The following CPNE4 variants were observed in gnomAD, a reference collection of about 807,000 sequenced individuals.
The protein encoded by CPNE4 is copine 4.
Under a neutral mutation model 67.9 loss-of-function variants are expected in CPNE4, and 25 were observed. The ratio of observed to expected loss-of-function variants is 0.37; its 90% CI spans 0.27 to 0.51. The LOEUF is 0.51. Ranked by LOEUF, CPNE4 falls within the 20% of genes least tolerant of loss-of-function variation. The probability of loss-of-function intolerance (pLI) is 0.93; values close to 1 mark genes in which losing one functional copy is unlikely to be tolerated. For missense variants in CPNE4, 464 were observed against 690.8 expected (o/e 0.67, Z 3.68); for synonymous variants, 242 against 244.9 (o/e 0.99, Z 0.11).
chr3:131,545,311 TTTAG>T (rs552450970), intron 14 of CPNE4, among the ~76,000 whole-genome samples: 1 of 152,162 alleles, frequency 6.6e-6, no homozygotes, highest in Non-Finnish European at 1.5e-5. Context: ...AACAGTTTAG[TTTAG>T]TTATAGTTTA....
chr3:132,038,796 G>A (rs1264147970), upstream of CPNE4, among the ~76,000 whole-genome samples: 1 of 152,098 alleles, frequency 6.6e-6, no homozygotes. Flanking sequence ...TCCCTTGGTT[G>A]CAGAGGCTGT....
intron 7 of CPNE4, among the ~76,000 whole-genome samples, chr3:131,639,457 C>A (rs2079482114): frequency 6.6e-6 from 1 of 151,980 alleles, no homozygotes; most frequent in Non-Finnish European, 1.5e-5. Flanking sequence ...TAGATTAAAC[C>A]CGGATGACAT....
At chr3:131,801,400 A>AT (rs1321227009) in intron 2 of CPNE4, among the ~76,000 whole-genome samples, 4 of 101,236 alleles carry the variant, frequency 4.0e-5, no homozygotes, top group African/African-American at 1.3e-4. Context: ...ACATATATAT[A>AT]TAGGTACATA....
At chr3:131,931,783 T>A (rs1232447302) in intron 1 of CPNE4, among the ~76,000 whole-genome samples, 1 of 152,164 alleles carries the variant, frequency 6.6e-6, no homozygotes, top group East Asian at 1.9e-4. Context: ...GTCGCACAAC[T>A]GTTTGACCTT....
rs192013188 is a variant in CPNE4 at position 131,776,970 on chromosome 3, C to T, written c.181-53345G>A. On this transcript the variant is annotated intron_variant, in intron 2 of 15. Transcript: ENST00000429747. ...CGTTATATATCAGTTACTGCTACTCCTGTGCCCTAGTAGCTCAGGGAAGTT... is the reference window on the plus strand; with the variant it reads ...CGTTATATATCAGTTACTGCTACTCTTGTGCCCTAGTAGCTCAGGGAAGTT... 3.9e-5 allele frequency among the ~76,000 whole-genome samples: 6 copies of T among 152,264 alleles called. No individual in the cohort carries two copies. In the East Asian group the frequency reaches 9.7e-4, roughly 25 times the overall value.
chr3:131,855,518 G>A (rs1276817443), intron 2 of CPNE4, among the ~76,000 whole-genome samples: 1 of 151,906 alleles, frequency 6.6e-6, no homozygotes, highest in African/African-American at 2.4e-5. Context: ...TCATGAAGGT[G>A]GCTTCAGATT....
intron 3 of CPNE4, among the ~76,000 whole-genome samples, chr3:131,708,852 C>A (rs902051310): frequency 1.3e-5 from 2 of 150,934 alleles, no homozygotes; most frequent in African/African-American, 4.9e-5. Context: ...TACAGTTTTT[C>A]TTTGGGGATA....
At chr3:131,838,080 T>C (rs1408083655) in intron 2 of CPNE4, among the ~76,000 whole-genome samples, 1 of 151,948 alleles carries the variant, frequency 6.6e-6, no homozygotes, top group Admixed American at 6.6e-5. Context: ...CAACTTTCTG[T>C]CTCAATAGAT....
At chr3:131,945,644 G>A (rs1286095816) in intron 1 of CPNE4, among the ~76,000 whole-genome samples, 4 of 152,004 alleles carry the variant, frequency 2.6e-5, no homozygotes, top group Non-Finnish European at 4.4e-5. Flanking sequence ...AAACTGCATC[G>A]TAGTCTGAAA....
chr3:131,720,301 T>C (rs76741985), intron 3 of CPNE4, among the ~76,000 whole-genome samples: 1 of 150,782 alleles, frequency 6.6e-6, no homozygotes, highest in South Asian at 2.1e-4. Flanking sequence ...TTTTTTTTTT[T>C]TTTGAGACGG....
intron 1 of CPNE4, among the ~76,000 whole-genome samples, chr3:131,994,974 T>C (rs902823865): frequency 4.6e-5 from 7 of 152,200 alleles, no homozygotes; most frequent in Non-Finnish European, 1.0e-4. Flanking sequence ...GGTGCCTCTC[T>C]TCCTTGACTC....
At chr3:131,826,763 G>A (rs1368676373) in intron 2 of CPNE4, among the ~76,000 whole-genome samples, 4 of 152,150 alleles carry the variant, frequency 2.6e-5, no homozygotes, top group Admixed American at 2.6e-4. Flanking sequence ...CAGGCACAGT[G>A]GCTTATGTCT....
intron 1 of CPNE4, among the ~76,000 whole-genome samples, chr3:132,001,090 T>G (rs1233029780): frequency 2.0e-5 from 3 of 151,996 alleles, no homozygotes; most frequent in Non-Finnish European, 2.9e-5. Context: ...GTCTCTCTAC[T>G]CTTCATATTG....
intron 6 of CPNE4, among the ~76,000 whole-genome samples, chr3:131,678,487 TGA>T (rs1406850873): frequency 4.6e-5 from 7 of 152,164 alleles, no homozygotes; most frequent in African/African-American, 1.7e-4. Context: ...ATAGGAGTGG[TGA>T]GAGAGGGCAT....
At chr3:131,775,928 C>T (rs899461793) in intron 2 of CPNE4, among the ~76,000 whole-genome samples, 1 of 152,184 alleles carries the variant, frequency 6.6e-6, no homozygotes, top group Non-Finnish European at 1.5e-5. Context: ...ACAAGAAATG[C>T]ACCAGTTTAA....
intron 1 of CPNE4, among the ~76,000 whole-genome samples, chr3:131,932,532 G>C (rs2071095018): frequency 6.6e-6 from 1 of 151,994 alleles, no homozygotes; most frequent in African/African-American, 2.4e-5. Flanking sequence ...ATGGAGAAAG[G>C]GTAAACAGCA....
intron 13 of CPNE4, among the ~76,000 whole-genome samples, chr3:131,551,605 G>A (rs1936177699): frequency 6.6e-6 from 1 of 151,992 alleles, no homozygotes; most frequent in African/African-American, 2.4e-5. Context: ...GGAGGTTACT[G>A]TGTTCAGACT....
chr3:131,994,173 C>A (rs6773368), intron 1 of CPNE4, among the ~76,000 whole-genome samples: 3,948 of 136,184 alleles, frequency 0.029, 415 homozygotes, highest in African/African-American at 0.089. Flanking sequence ...GCTGTAAAAA[C>A]TACTAATGAG....
chr3:131,610,634 T>G (rs183212816), intron 7 of CPNE4, among the ~76,000 whole-genome samples: 1 of 152,292 alleles, frequency 6.6e-6, no homozygotes, highest in Admixed American at 6.5e-5. Context: ...TCTCCTGAGA[T>G]TTTGCTTTAT....
Sources: gnomAD v4.1 joint callset for allele counts (sites outside exome capture counted in the v4.1 genomes callset) on GRCh38, gnomAD v4.1.1 for gene constraint, MANE v1.5 for transcripts, NCBI Gene and HGNC (gene_info 2026-07-23, HGNC 2026-07-21) for gene names.